SLC13A5: variants seen among roughly 807,000 people sequenced by gnomAD.
The protein encoded by SLC13A5 is Na(+)/citrate cotransporter.
SLC13A5 carries 25 observed loss-of-function variants against 56.5 expected under a neutral mutation model. That is an observed-to-expected ratio of 0.44 (90% CI 0.32 to 0.62). SLC13A5 has a LOEUF of 0.62. Ranked by LOEUF, SLC13A5 falls within the 20% of genes least tolerant of loss-of-function variation. The probability of loss-of-function intolerance (pLI) is 0.04; values close to 1 mark genes in which losing one functional copy is unlikely to be tolerated. For synonymous variants in SLC13A5, 307 were observed against 301.5 expected, an observed-to-expected ratio of 1.02 and a Z score of -0.19; for missense variants, 649 against 737.8, an observed-to-expected ratio of 0.88 and a Z score of 1.39.
rs1333345341 is a variant in SLC13A5 at position 6,711,101 on chromosome 17, G to A, written c.102+2131C>T. Among the ~76,000 whole-genome samples, 1 of 152,058 alleles carries A rather than the reference G, an allele frequency of 6.6e-6. No individual in the cohort carries two copies. The highest frequency in any genetic ancestry group is 2.1e-4 in the South Asian group (1 of 4,824). ...GGCCTGGGTGTTGGCAGAGGGTGGC[G>A]TGCCCTGGGAGTCACCTCCTGGCAA... On this transcript the variant is annotated intron_variant, in intron 1 of 11. Coordinates refer to ENST00000433363, the MANE Select transcript of SLC13A5 (RefSeq NM_177550.5). The surrounding 1 kb of genome is among the most constrained non-coding windows in gnomAD (Gnocchi z 4.0).
intron 6 of SLC13A5, among the ~76,000 whole-genome samples, chr17:6,697,066 G>C (rs1973581680): frequency 6.6e-6 from 1 of 152,146 alleles, no homozygotes; most frequent in African/African-American, 2.4e-5. Context: ...GGATCTCCCT[G>C]CTGGGCAAGG....
intron 1 of SLC13A5, 113 bp from the exon 2 acceptor site, chr17:6,707,269 G>A: frequency 1.5e-6 from 2 of 1,364,446 alleles, no homozygotes; most frequent in Non-Finnish European, 1.0e-6. Context: ...GATCTCAGAG[G>A]GATTCCCCTC....
intron 6 of SLC13A5, among the ~76,000 whole-genome samples, chr17:6,699,059 A>G (rs1973635985): frequency 7.3e-6 from 1 of 137,408 alleles, no homozygotes; most frequent in South Asian, 2.3e-4. Flanking sequence ...AAATAAATAA[A>G]TAAATAAATA....
At chr17:6,712,998 T>TG (rs983554359) in intron 1 of SLC13A5, among the ~76,000 whole-genome samples, 3 of 152,174 alleles carry the variant, frequency 2.0e-5, no homozygotes, top group African/African-American at 7.2e-5. Flanking sequence ...GGACGGCTCT[T>TG]GCGCCCTGGG....
Position 6,694,171 on chromosome 17 carries a change from A to T in SLC13A5, c.1082T>A (p.Ile361Asn). ...TKYVSDATVA[I>N]FVATLLFIVP... ...AATGAATAGCAGGGTGGCCACAAAG[A>T]TGGCCACAGTGGCATCGGAGACATA... Residue 361 changes from isoleucine (I) to asparagine (N), a missense_variant, in exon 8 of 12, where the codon ATC (isoleucine) becomes AAC (asparagine). Ile to Asn is a moderately radical substitution (Grantham distance 149). Coordinates refer to ENST00000433363, the MANE Select transcript of SLC13A5 (RefSeq NM_177550.5). 6.2e-7 allele frequency: 1 copy of T among 1,612,948 alleles called. No individual in the cohort carries two copies. Among genetic ancestry groups the T allele is most frequent in the Non-Finnish European group, 8.5e-7 (1 of 1,179,238 alleles).
chr17:6,692,810 G>T lies in SLC13A5; in HGVS notation c.1275+234C>A. 1.8e-6 allele frequency: 1 copy of T among 544,798 alleles called. No individual in the cohort carries two copies. The highest frequency in any genetic ancestry group is 3.3e-6 in the Non-Finnish European group (1 of 305,018). 33.7% of individuals were successfully genotyped at this position (544,798 alleles called of 1,614,324 possible). A position where few individuals can be genotyped will look rare whatever the true frequency, so the allele number is the denominator to read the frequency against. On this transcript the variant is annotated intron_variant, in intron 9 of 11. Coordinates refer to ENST00000433363, the MANE Select transcript of SLC13A5 (RefSeq NM_177550.5). The surrounding 1 kb of genome is among the most constrained non-coding windows in gnomAD (Gnocchi z 5.5). ...TCCTCTGCCTCTCTTGGCTAACCAC[G>T]GTCACTCATTCACTCATTCCTGCAA...
chr17:6,698,322 G>A (rs1463748148), intron 6 of SLC13A5, among the ~76,000 whole-genome samples: 2 of 152,232 alleles, frequency 1.3e-5, no homozygotes, highest in South Asian at 2.1e-4. Context: ...GATGAAGGCC[G>A]TGCCAGGCTG....
intron 6 of SLC13A5, among the ~76,000 whole-genome samples, chr17:6,696,711 G>C (rs1459404630): frequency 6.6e-6 from 1 of 152,150 alleles, no homozygotes; most frequent in Non-Finnish European, 1.5e-5. Flanking sequence ...AGGCCTCAAG[G>C]TATGCTGAAT....
At chr17:6,706,939 C>A (rs759728328) in intron 2 of SLC13A5, 89 bp downstream of exon 2, 72 of 1,583,442 alleles carry the variant, frequency 4.5e-5, no homozygotes, top group Non-Finnish European at 5.7e-5. Context: ...TTTCCGGTCA[C>A]CCCCAGGCCT....
chr17:6,689,037 C>CT (rs1019067610), intron 10 of SLC13A5: 12 of 152,182 alleles, frequency 7.9e-5, no homozygotes, highest in Admixed American at 7.2e-4. Flanking sequence ...CCCCCTGTTA[C>CT]TATGGATATA....
intron 9 of SLC13A5, among the ~76,000 whole-genome samples, chr17:6,691,932 TCTC>T (rs751347446): frequency 1.4e-3 from 206 of 152,272 alleles, no homozygotes; most frequent in Non-Finnish European, 2.4e-3. Context: ...ATCTTCTACT[TCTC>T]CTCAGCTAAA....
chr17:6,708,937 G>C (rs1038008093), intron 1 of SLC13A5, among the ~76,000 whole-genome samples: 10 of 151,914 alleles, frequency 6.6e-5, no homozygotes, highest in Non-Finnish European at 1.5e-4. Context: ...GCTCCACACA[G>C]ACAGTGGCCC....
chr17:6,707,890 C>T (rs1414763696), intron 1 of SLC13A5, among the ~76,000 whole-genome samples: 1 of 152,094 alleles, frequency 6.6e-6, no homozygotes, highest in Non-Finnish European at 1.5e-5. Context: ...TACGTGTACC[C>T]CTAAAGCTAT....
intron 8 of SLC13A5, 26 bp from the exon 9 acceptor site, chr17:6,693,188 C>A (rs1238847032): frequency 6.4e-6 from 3 of 467,498 alleles, no homozygotes; most frequent in Non-Finnish European, 1.1e-5. Flanking sequence ...AACACACACA[C>A]ACACACACAC....
chr17:6,700,514 C>T (rs935875105), intron 6 of SLC13A5, among the ~76,000 whole-genome samples: 4 of 152,266 alleles, frequency 2.6e-5, no homozygotes, highest in Non-Finnish European at 5.9e-5. Context: ...AAAGAGGAAG[C>T]TTGTCCAGCA....
Position 6,685,962 on chromosome 17 carries a change from G to A in SLC13A5, c.*245C>T. The A allele has an allele frequency of 3.8e-6, 2 of 532,164 alleles. No individual in the cohort carries two copies. The highest frequency in any genetic ancestry group is 6.7e-6 in the Non-Finnish European group (2 of 298,670). 33.0% of individuals were successfully genotyped at this position (532,164 alleles called of 1,614,324 possible). On this transcript the variant is annotated 3_prime_UTR_variant, in exon 12 of 12. Coordinates refer to ENST00000433363, the MANE Select transcript of SLC13A5 (RefSeq NM_177550.5). The surrounding 1 kb of genome is among the most constrained non-coding windows in gnomAD (Gnocchi z 4.2). ...CTCACAGAGATAATGGCAAGGCTTG[G>A]GAAAGATGGGTCCAGCAGCCCACTG... is the stretch of plus-strand genomic sequence containing the variant.
chr17:6,709,868 G>C lies in SLC13A5; in HGVS notation c.103-2712C>G, dbSNP rs1192416636. Among the ~76,000 whole-genome samples, 3 of 152,324 alleles carry C rather than the reference G, an allele frequency of 2.0e-5. No homozygotes were observed. In the East Asian group the frequency reaches 5.8e-4, roughly 29 times the overall value. On this transcript the variant is annotated intron_variant, in intron 1 of 11. Coordinates refer to ENST00000433363, the MANE Select transcript of SLC13A5 (RefSeq NM_177550.5). Reference sequence around the variant, plus strand: ...GACATTTTGGGCTAAATGATGCTTTGTTGTGGGAGCTGTGCACTGCAGGGT... The same window carrying C: ...GACATTTTGGGCTAAATGATGCTTTCTTGTGGGAGCTGTGCACTGCAGGGT...
At chr17:6,702,381 G>A (rs1260497978) in intron 5 of SLC13A5, among the ~76,000 whole-genome samples, 2 of 152,284 alleles carry the variant, frequency 1.3e-5, no homozygotes, top group East Asian at 3.9e-4. Flanking sequence ...TGTGGCCAAG[G>A]CTAGAAAGTT....
At position 6,703,076 on chromosome 17, in the gene SLC13A5, A is replaced by G. The variant is rs1165741615; in HGVS notation, c.610T>C (p.Leu204=). The G allele has an allele frequency of 6.2e-7, 1 of 1,613,848 alleles. No individual in the cohort carries two copies. The highest frequency in any genetic ancestry group is 1.3e-5 in the African/African-American group (1 of 74,960). ...ATGCACAGGGTCATGGCCTTACACA[A>G]CCTCTTCCGCTCTTGGTCTTCCTGC... ...GQQEDQERKR[L]CKAMTLCICY... Residue 204 remains leucine (L), a synonymous_variant, in exon 5 of 12, where the codon TTG becomes CTG. Transcript: ENST00000433363.
Sources: allele counts gnomAD v4.1 joint callset (sites outside exome capture counted in the v4.1 genomes callset), GRCh38; gene constraint gnomAD v4.1.1; non-coding constraint Gnocchi (gnomAD v3.1); transcripts MANE v1.5; gene names NCBI Gene and HGNC (gene_info 2026-07-23, HGNC 2026-07-21).